Variants in UBE4A observed in about 807,000 individuals in gnomAD.
The protein encoded by UBE4A is ubiquitination factor E4A, also known as ubiquitin conjugation factor E4 A.
In UBE4A, 48 loss-of-function variants were observed where a neutral mutation model predicts 117.9. That is an observed-to-expected ratio of 0.41 (90% CI 0.32 to 0.52). UBE4A has a LOEUF of 0.52. Ranked by LOEUF, UBE4A falls within the 20% of genes least tolerant of loss-of-function variation. UBE4A has a pLI of 0.33. For missense variants in UBE4A, 1,067 were observed against 1,296.3 expected, an observed-to-expected ratio of 0.82 and a Z score of 2.72; for synonymous variants, 407 against 450.0, an observed-to-expected ratio of 0.90 and a Z score of 1.21.
At chr11:118,371,737 G>T in intron 5 of UBE4A, 71 bp downstream of exon 5, 1 of 1,484,170 alleles carries the variant, frequency 6.7e-7, no homozygotes, top group Non-Finnish European at 9.0e-7. Context: ...GGCCAGAGTT[G>T]GATCAGTCTT....
intron 1 of UBE4A, among the ~76,000 whole-genome samples, chr11:118,364,810 T>G (rs1458700413): frequency 6.6e-6 from 1 of 150,416 alleles, no homozygotes; most frequent in African/African-American, 2.4e-5. Flanking sequence ...GCTGAACGTT[T>G]TAGCCTTTTT....
chr11:118,389,976 C>A, intron 17 of UBE4A, 71 bp downstream of exon 17: 1 of 1,386,070 alleles, frequency 7.2e-7, no homozygotes, highest in Non-Finnish European at 9.7e-7. Flanking sequence ...AGTAGAATGA[C>A]TGGTTGGTAA....
rs1471524058 is a variant in UBE4A at position 118,365,220 on chromosome 11, A to G, written c.121+19A>G. On this transcript the variant is annotated intron_variant, in intron 2 of 19. Coordinates refer to ENST00000252108, the MANE Select transcript of UBE4A (RefSeq NM_001204077.2). The stretch of plus-strand genomic sequence containing the variant: ...CAATCTGGTAAGTGGAGGAGCCAAT[A>G]GCAGCAAATAAGATGACCTAGAATG... The G allele has an allele frequency of 3.8e-6, 6 of 1,574,968 alleles. No individual in the cohort carries two copies. The African/African-American group carries it at 6.8e-5, about 18-fold the overall frequency.
rs1555127938 is a variant in UBE4A, at chr11:118,389,857, A to G, written c.2720A>G (p.Lys907Arg). 8 of 1,613,550 alleles carry G rather than the reference A, an allele frequency of 5.0e-6. No homozygotes were observed. The Admixed American group carries it at 6.7e-5, about 13-fold the overall frequency. The change falls in exon 17 of 20, where the codon AAA becomes AGA. Residue 907 changes from lysine (K) to arginine (R), a missense_variant. Physicochemically the swap from Lys to Arg is conservative, Grantham distance 26. This residue lies in a region of UBE4A where 1,001 missense variants were observed against 1,184.0 expected (regional missense o/e 0.85). Coordinates refer to ENST00000252108, the MANE Select transcript of UBE4A (RefSeq NM_001204077.2). The part of the protein sequence containing the change: ...KVKDFSEFDF[K>R]PQQLVSDICT... ...AAGGACTTCAGCGAATTTGACTTCAAACCCCAGCAGCTTGTATCAGATATC... is the reference window on the plus strand; with the variant it reads ...AAGGACTTCAGCGAATTTGACTTCAGACCCCAGCAGCTTGTATCAGATATC...
In UBE4A at chr11:118,369,442, C is replaced by A; in HGVS notation, c.315C>A (p.Ser105Arg). ...TCCCAGGTGATCCCAGCTTGAAAAG[C>A]GGGAATGGCATCCCTAGCCGTTGTG... ...TLDNSDPSLK[S>R]GNGIPSRCVY... The change falls in exon 4 of 20, where the codon AGC (serine) becomes AGA (arginine). Residue 105 changes from serine (S) to arginine (R), a missense_variant. This residue lies in a region of UBE4A where 1,001 missense variants were observed against 1,184.0 expected (regional missense o/e 0.85). Coordinates refer to ENST00000252108, the MANE Select transcript of UBE4A (RefSeq NM_001204077.2). The A allele has an allele frequency of 6.2e-7, 1 of 1,613,960 alleles. No individual in the cohort carries two copies. The highest frequency in any genetic ancestry group is 8.5e-7 in the Non-Finnish European group (1 of 1,179,892).
intron 4 of UBE4A, among the ~76,000 whole-genome samples, chr11:118,370,949 G>A (rs917668449): frequency 7.2e-5 from 11 of 152,130 alleles, no homozygotes; most frequent in African/African-American, 1.7e-4. Flanking sequence ...GGAGGGATCC[G>A]CCTCCATACC....
At chr11:118,383,698 T>C (rs1948728450) in intron 13 of UBE4A, among the ~76,000 whole-genome samples, 1 of 151,746 alleles carries the variant, frequency 6.6e-6, no homozygotes, top group Admixed American at 6.6e-5. Flanking sequence ...AAATAAGATA[T>C]GTTAAGAAGT....
intron 4 of UBE4A, 111 bp downstream of exon 4, chr11:118,369,646 CTTT>C (rs758717041): frequency 0.035 from 16,709 of 481,198 alleles, no homozygotes; most frequent in South Asian, 0.044. Context: ...ATCCCTCTCT[CTTT>C]TTTTTTTTTT....
intron 16 of UBE4A, among the ~76,000 whole-genome samples, chr11:118,387,970 A>T (rs1948774842): frequency 6.6e-6 from 1 of 152,204 alleles, no homozygotes; most frequent in Non-Finnish European, 1.5e-5. Flanking sequence ...TCCAAAAATT[A>T]ATCAGCAGCT....
intron 19 of UBE4A, among the ~76,000 whole-genome samples, chr11:118,395,451 T>C (rs1165739041): frequency 2.6e-5 from 4 of 152,222 alleles, no homozygotes; most frequent in East Asian, 1.9e-4. Flanking sequence ...CAAGAACTTA[T>C]GTATAGGCCA....
chr11:118,364,833 C>A (rs918160742), intron 1 of UBE4A, among the ~76,000 whole-genome samples: 10 of 150,366 alleles, frequency 6.7e-5, no homozygotes, highest in Admixed American at 2.0e-4. Context: ...TTTCAGCTAT[C>A]CACAAATCAA....
chr11:118,371,221 A>G (rs1948605893), intron 4 of UBE4A, among the ~76,000 whole-genome samples: 1 of 152,228 alleles, frequency 6.6e-6, no homozygotes, highest in African/African-American at 2.4e-5. Flanking sequence ...AGTAGATTTC[A>G]CATCTAAGTT....
chr11:118,390,918 C>A, intron 18 of UBE4A, 114 bp downstream of exon 18: 1 of 1,376,518 alleles, frequency 7.3e-7, no homozygotes, highest in Non-Finnish European at 9.9e-7. Flanking sequence ...TAGAGGATCA[C>A]TTAAGCCCAG....
In UBE4A at chr11:118,365,098, TAAC is replaced by T. The variant is rs762881711; in HGVS notation, c.26_28del (p.Asn9del). 48 of 1,614,012 alleles carry T rather than the reference TAAC, an allele frequency of 3.0e-5. No homozygotes were observed. Among genetic ancestry groups the T allele is most frequent in the East Asian group, 2.7e-4 (12 of 44,858 alleles). On this transcript the variant is annotated inframe_deletion, in exon 2 of 20. Coordinates refer to ENST00000252108, the MANE Select transcript of UBE4A (RefSeq NM_001204077.2). ...AAAGTGAAATGACAGACCAGGAGAA[TAAC>T]AACAACATCTCAAGTAACCCCTTTG...
intron 3 of UBE4A, 23 bp downstream of exon 3, chr11:118,368,827 T>C (rs1323125473): frequency 5.0e-6 from 8 of 1,611,364 alleles, no homozygotes; most frequent in Non-Finnish European, 5.9e-6. Context: ...CTTATAGCAT[T>C]ATTCTACCCT....
chr11:118,384,067 A>C, intron 13 of UBE4A, among the ~76,000 whole-genome samples: 1 of 152,362 alleles, frequency 6.6e-6, no homozygotes, highest in East Asian at 1.9e-4. Flanking sequence ...AGCCAGAATG[A>C]AAACGTAGGT....
chr11:118,381,495 A>G lies in UBE4A; in HGVS notation c.1981A>G (p.Ile661Val), dbSNP rs531614921. ...ADSLEHVLHFITIFTGSIERM... is the reference protein window; with the variant it reads ...ADSLEHVLHFVTIFTGSIERM... The stretch of plus-strand genomic sequence containing the variant: ...TTCCCTGGAGCATGTCCTTCACTTT[A>G]TCACCATTTTCACTGGAAGCATAGA... Residue 661 changes from isoleucine (I) to valine (V), a missense_variant, in exon 12 of 20, where the codon ATC becomes GTC. Transcript: ENST00000252108. The G allele has an allele frequency of 1.2e-6, 2 of 1,614,036 alleles. No individual in the cohort carries two copies. The highest frequency in any genetic ancestry group is 2.2e-5 in the East Asian group (1 of 44,878).
intron 19 of UBE4A, 39 bp from the exon 20 acceptor site, chr11:118,396,275 A>G: frequency 6.3e-7 from 1 of 1,588,658 alleles, no homozygotes; most frequent in Non-Finnish European, 8.5e-7. Flanking sequence ...GTTAGAACTT[A>G]TGGAAATAAC....
At chr11:118,381,352 A>T in intron 11 of UBE4A, 39 bp from the exon 12 acceptor site, 1 of 1,612,034 alleles carries the variant, frequency 6.2e-7, no homozygotes, top group Non-Finnish European at 8.5e-7. Flanking sequence ...ACAGATATAC[A>T]GATGTTTGGC....
Sources: allele counts gnomAD v4.1 joint callset (sites outside exome capture counted in the v4.1 genomes callset), GRCh38; gene constraint gnomAD v4.1.1; regional missense constraint gnomAD v4.1.1; transcripts MANE v1.5; gene names NCBI Gene and HGNC (gene_info 2026-07-23, HGNC 2026-07-21).